Variants in TMEM132D observed in about 807,000 individuals in gnomAD.
TMEM132D encodes mature OL transmembrane protein.
A neutral mutation model predicts 62.3 loss-of-function variants in TMEM132D; 21 were observed. The ratio of observed to expected loss-of-function variants is 0.34; its 90% CI spans 0.24 to 0.49. TMEM132D has a LOEUF of 0.49. Among genes scored for constraint, TMEM132D ranks in the 20% least tolerant of loss-of-function variants. The pLI is 0.99. For synonymous variants in TMEM132D, 621 were observed against 575.6 expected, an observed-to-expected ratio of 1.08 and a Z score of -1.13; for missense variants, 1,346 against 1,402.8, an observed-to-expected ratio of 0.96 and a Z score of 0.65.
At position 129,332,438 on chromosome 12, in the gene TMEM132D, C is replaced by T. The variant is rs189389468; in HGVS notation, c.1299+5196G>A. 2.2e-3 allele frequency among the ~76,000 whole-genome samples: 336 copies of T among 152,202 alleles called. 2 individuals are homozygous for T. The highest frequency in any genetic ancestry group is 5.6e-3 in the South Asian group (27 of 4,812). ...TGCAAGCACCTGGCGGCATCTCATC[C>T]CAGAGCTTTCCTGGAGATGAAATTA... On this transcript the variant is annotated intron_variant, in intron 4 of 8. Transcript: ENST00000422113.
At chr12:129,640,902 T>C (rs149388607) in intron 2 of TMEM132D, among the ~76,000 whole-genome samples, 2,247 of 152,206 alleles carry the variant, frequency 0.015, 47 homozygotes, top group African/African-American at 0.05. Context: ...GAACTGTGCA[T>C]GCGAGGGATC....
intron 1 of TMEM132D, among the ~76,000 whole-genome samples, chr12:129,816,532 A>G (rs1028795627): frequency 1.3e-5 from 2 of 152,240 alleles, no homozygotes; most frequent in Admixed American, 1.3e-4. Context: ...GGAAAACAGG[A>G]GTAAAATAAA....
At chr12:129,809,831 A>C (rs1593170745) in intron 1 of TMEM132D, among the ~76,000 whole-genome samples, 1 of 152,306 alleles carries the variant, frequency 6.6e-6, no homozygotes, top group African/African-American at 2.4e-5. Context: ...ATGCTCAGAA[A>C]ATTTCAGGAC....
chr12:129,193,420 A>G (rs1878464470), intron 5 of TMEM132D, among the ~76,000 whole-genome samples: 1 of 152,184 alleles, frequency 6.6e-6, no homozygotes, highest in Non-Finnish European at 1.5e-5. Context: ...CCTTACAGGC[A>G]GGTTAGAAAC....
intron 1 of TMEM132D, among the ~76,000 whole-genome samples, chr12:129,831,632 C>G (rs900989666): frequency 4.6e-5 from 7 of 152,138 alleles, no homozygotes; most frequent in Non-Finnish European, 8.8e-5. Context: ...GGAATGAATA[C>G]GCAGTTATAA....
At chr12:129,770,086 A>G (rs1413893675) in intron 1 of TMEM132D, among the ~76,000 whole-genome samples, 2 of 151,334 alleles carry the variant, frequency 1.3e-5, no homozygotes, top group Non-Finnish European at 1.5e-5. Flanking sequence ...AATGCTAGAA[A>G]TAAAGGTGTG....
rs1409298003 is a variant in TMEM132D at position 129,466,542 on chromosome 12, C to T, written c.1115+64517G>A. ...TAAGCCTCAATTAATCATTGCTCCT[C>T]ATAACAACTGTTATGAATCCTCTAT... On this transcript the variant is annotated intron_variant, in intron 3 of 8. Transcript: ENST00000422113. Among the ~76,000 whole-genome samples, 7 of 152,102 alleles carry T rather than the reference C, an allele frequency of 4.6e-5. No homozygotes were observed. The East Asian group carries it at 1.4e-3, about 29-fold the overall frequency.
At chr12:129,190,645 C>T (rs1471678817) in intron 5 of TMEM132D, among the ~76,000 whole-genome samples, 1 of 152,076 alleles carries the variant, frequency 6.6e-6, no homozygotes. Context: ...GGGCCTCTGG[C>T]AGCTGGAAAG....
chr12:129,510,173 T>C (rs1483044188), intron 3 of TMEM132D, among the ~76,000 whole-genome samples: 1 of 152,194 alleles, frequency 6.6e-6, no homozygotes. Context: ...TTAACTGTAG[T>C]GAGATGATAT....
intron 3 of TMEM132D, among the ~76,000 whole-genome samples, chr12:129,424,193 AT>A (rs1289097379): frequency 1.1e-5 from 1 of 88,888 alleles, no homozygotes; most frequent in Non-Finnish European, 2.7e-5. Flanking sequence ...CGATCTGTAA[AT>A]TTTTTTGTAA....
intron 3 of TMEM132D, among the ~76,000 whole-genome samples, chr12:129,525,206 T>C (rs1413099728): frequency 2.1e-5 from 3 of 144,866 alleles, no homozygotes; most frequent in Non-Finnish European, 4.5e-5. Context: ...ATTACGGGTA[T>C]GAGCCACGGT....
chr12:129,895,818 T>TAA lies in TMEM132D; in HGVS notation c.79+7441_79+7442dup, dbSNP rs35642356. Among the ~76,000 whole-genome samples the TAA allele has an allele frequency of 3.7e-3, 556 of 148,462 alleles. 1 individual carries two copies. Among genetic ancestry groups the TAA allele is most frequent in the African/African-American group, 0.011 (448 of 40,664 alleles). On this transcript the variant is annotated intron_variant, in intron 1 of 8. Coordinates refer to ENST00000422113, the MANE Select transcript of TMEM132D (RefSeq NM_133448.3). The stretch of plus-strand genomic sequence containing the variant: ...CAAATTCTCCTGCCCTTTCCCCTAG[T>TAA]AAAAAAAAAAAATTACTTGGTGAAG...
At chr12:129,443,096 G>A (rs775514101) in intron 3 of TMEM132D, among the ~76,000 whole-genome samples, 17 of 152,120 alleles carry the variant, frequency 1.1e-4, no homozygotes, top group Admixed American at 3.3e-4. Flanking sequence ...CCTTGGGGTC[G>A]GCTGAGGCTG....
At chr12:129,595,480 A>G (rs1878311014) in intron 2 of TMEM132D, among the ~76,000 whole-genome samples, 2 of 152,184 alleles carry the variant, frequency 1.3e-5, no homozygotes, top group Non-Finnish European at 2.9e-5. Context: ...ACCTCTCAGT[A>G]CCCACAACCC....
intron 1 of TMEM132D, among the ~76,000 whole-genome samples, chr12:129,745,844 C>T (rs1486866246): frequency 5.9e-5 from 9 of 152,158 alleles, no homozygotes; most frequent in Admixed American, 3.9e-4. Context: ...GTAAACTATT[C>T]GCCTGCGTAG....
intron 1 of TMEM132D, among the ~76,000 whole-genome samples, chr12:129,818,995 A>G (rs1485428493): frequency 6.6e-6 from 1 of 151,768 alleles, no homozygotes; most frequent in Non-Finnish European, 1.5e-5. Flanking sequence ...GGATTGCACC[A>G]CTGTACTCCA....
intron 5 of TMEM132D, among the ~76,000 whole-genome samples, chr12:129,180,863 G>A (rs1357335783): frequency 1.3e-5 from 2 of 152,118 alleles, no homozygotes; most frequent in Non-Finnish European, 1.5e-5. Flanking sequence ...GGGCCGGGGA[G>A]AGCCATAGGG....
chr12:129,578,433 T>TAC (rs1565910304), intron 2 of TMEM132D, among the ~76,000 whole-genome samples: 2 of 150,704 alleles, frequency 1.3e-5, no homozygotes, highest in African/African-American at 4.9e-5. Context: ...TGTATATATA[T>TAC]ATATGTATGT....
chr12:129,337,402 G>A lies in TMEM132D; in HGVS notation c.1299+232C>T, dbSNP rs181870131. 1.5e-3 allele frequency among the ~76,000 whole-genome samples: 228 copies of A among 149,652 alleles called. 1 individual carries two copies. Among genetic ancestry groups the A allele is most frequent in the Middle Eastern group, 6.8e-3 (2 of 292 alleles). Reference sequence around the variant, plus strand: ...TTCTAAATAATACGTTAAGAAAATTGGTTTATATTTGTATAGATATAGATA... The same window carrying A: ...TTCTAAATAATACGTTAAGAAAATTAGTTTATATTTGTATAGATATAGATA... On this transcript the variant is annotated intron_variant, in intron 4 of 8. Coordinates refer to ENST00000422113, the MANE Select transcript of TMEM132D (RefSeq NM_133448.3).
Sources: allele counts gnomAD v4.1 joint callset (sites outside exome capture counted in the v4.1 genomes callset), GRCh38; gene constraint gnomAD v4.1.1; transcripts MANE v1.5; gene names NCBI Gene and HGNC (gene_info 2026-07-23, HGNC 2026-07-21).